The following PTPN4 variants were observed in gnomAD, a reference collection of about 807,000 sequenced individuals.
PTPN4 encodes protein tyrosine phosphatase non-receptor type 4.
PTPN4 carries 49 observed loss-of-function variants against 135.5 expected under a neutral mutation model. The observed-to-expected ratio is 0.36, with a 90% CI of 0.29 to 0.46. The LOEUF is 0.46. Ranked by LOEUF, PTPN4 falls within the 20% of genes least tolerant of loss-of-function variation. The probability of loss-of-function intolerance (pLI) is 1.00; values close to 1 mark genes in which losing one functional copy is unlikely to be tolerated. For missense variants in PTPN4, 860 were observed against 1,101.0 expected, an observed-to-expected ratio of 0.78 and a Z score of 3.10; for synonymous variants, 333 against 369.9, an observed-to-expected ratio of 0.90 and a Z score of 1.14.
At chr2:119,936,619 G>C (rs1490830006) in intron 15 of PTPN4, among the ~76,000 whole-genome samples, 2 of 152,166 alleles carry the variant, frequency 1.3e-5, no homozygotes, top group African/African-American at 4.8e-5. Flanking sequence ...ATGTGTAACT[G>C]TGAGTCAATT....
chr2:119,916,905 G>A (rs1297023345), intron 11 of PTPN4, among the ~76,000 whole-genome samples: 1 of 152,052 alleles, frequency 6.6e-6, no homozygotes, highest in Non-Finnish European at 1.5e-5. Context: ...AATTCATTCT[G>A]CTGCTAGTGG....
At chr2:119,899,182 C>T (rs193209064) in intron 9 of PTPN4, among the ~76,000 whole-genome samples, 1 of 152,290 alleles carries the variant, frequency 6.6e-6, no homozygotes, top group Admixed American at 6.5e-5. Context: ...AATTTTTGGA[C>T]CTACTGTCCA....
chr2:119,868,989 T>C (rs1185017410), intron 3 of PTPN4, among the ~76,000 whole-genome samples: 1 of 152,192 alleles, frequency 6.6e-6, no homozygotes, highest in East Asian at 1.9e-4. Flanking sequence ...AATCCCACTT[T>C]TAGCTATTTA....
intron 2 of PTPN4, among the ~76,000 whole-genome samples, chr2:119,844,192 G>A (rs926012854): frequency 3.2e-5 from 4 of 123,478 alleles, no homozygotes; most frequent in East Asian, 2.6e-4. Flanking sequence ...GCGGCTGGCC[G>A]GGCAGAGGGG....
chr2:119,881,007 GT>G (rs1057448711), intron 5 of PTPN4, among the ~76,000 whole-genome samples: 6 of 151,978 alleles, frequency 3.9e-5, no homozygotes, highest in Non-Finnish European at 1.5e-5. Context: ...AGATTTCCTG[GT>G]TAAACATTTA....
chr2:119,913,084 A>T (rs998461325), intron 10 of PTPN4, among the ~76,000 whole-genome samples: 1 of 151,976 alleles, frequency 6.6e-6, no homozygotes, highest in Non-Finnish European at 1.5e-5. Context: ...TTGCTGAATA[A>T]TTTTCCATTT....
rs1558742962 is a variant in PTPN4 at position 119,845,241 on chromosome 2, A to AGGGG, written c.139-17294_139-17293insGGGG. On this transcript the variant is annotated intron_variant, in intron 2 of 26. Coordinates refer to ENST00000263708, the MANE Select transcript of PTPN4 (RefSeq NM_002830.4). ...TGAGAGGGAGACCGTGGGGAGAGGG[A>AGGGG]GAGGGGGAGGGGGAGGGGGAGGGGG... Among the ~76,000 whole-genome samples the AGGGG allele has an allele frequency of 1.8e-3, 51 of 28,352 alleles. 4 individuals are homozygous for AGGGG. The Admixed American group carries it at 0.019, about 11-fold the overall frequency. The allele number at this position is 28,352 out of a possible 152,430, so 18.6% of individuals were successfully genotyped here.
chr2:119,957,680 A>T lies in PTPN4; in HGVS notation c.2133+603A>T, dbSNP rs372559922. On this transcript the variant is annotated intron_variant, in intron 22 of 26. Coordinates refer to ENST00000263708, the MANE Select transcript of PTPN4 (RefSeq NM_002830.4). Reference sequence around the variant, plus strand: ...TTAACTCTGTAATTAGAAAATTTCAAATGTACAAAATTAAAGCAAACCGTA... The same window carrying T: ...TTAACTCTGTAATTAGAAAATTTCATATGTACAAAATTAAAGCAAACCGTA... 9.2e-5 allele frequency among the ~76,000 whole-genome samples: 14 copies of T among 152,294 alleles called. No homozygotes were observed. The East Asian group carries it at 2.1e-3, about 23-fold the overall frequency.
At chr2:119,862,751 T>A (rs899277164) in intron 3 of PTPN4, 108 bp downstream of exon 3, 27 of 796,694 alleles carry the variant, frequency 3.4e-5, no homozygotes, top group Non-Finnish European at 4.8e-5. Context: ...GTTTTTTTTT[T>A]ACTTGACTTA....
intron 2 of PTPN4, among the ~76,000 whole-genome samples, chr2:119,854,408 T>C (rs1677641486): frequency 6.6e-6 from 1 of 152,226 alleles, no homozygotes; most frequent in Non-Finnish European, 1.5e-5. Context: ...CTCCTTACCC[T>C]ATCTGCGTAA....
chr2:119,878,089 C>T (rs150964923), intron 5 of PTPN4, among the ~76,000 whole-genome samples: 131 of 152,204 alleles, frequency 8.6e-4, no homozygotes, highest in African/African-American at 2.9e-3. Flanking sequence ...CATGTTGAGG[C>T]CTTTACATGC....
chr2:119,965,639 A>C lies in PTPN4; in HGVS notation c.2552A>C (p.His851Pro), dbSNP rs1679435269. 6.2e-7 allele frequency: 1 copy of C among 1,612,692 alleles called. No individual in the cohort carries two copies. Among genetic ancestry groups the C allele is most frequent in the Non-Finnish European group, 8.5e-7 (1 of 1,179,492 alleles). Residue 851 changes from histidine (H) to proline (P), a missense_variant, in exon 25 of 27, where the codon CAT becomes CCT. This residue lies in a region of PTPN4 where 176 missense variants were observed against 294.1 expected (regional missense o/e 0.60). Transcript: ENST00000263708. ...RAGKEEPVVV[H>P]CSAGIGRTGV... Reference sequence around the variant, plus strand: ...GGCAAGGAAGAACCCGTTGTTGTCCATTGCAGGTACTCTGTTTTCCGTCTT... The same window carrying C: ...GGCAAGGAAGAACCCGTTGTTGTCCCTTGCAGGTACTCTGTTTTCCGTCTT...
intron 3 of PTPN4, among the ~76,000 whole-genome samples, chr2:119,869,153 A>G (rs1451086334): frequency 6.6e-6 from 1 of 152,250 alleles, no homozygotes; most frequent in African/African-American, 2.4e-5. Context: ...GTAGAACACT[A>G]TATGGTTCCA....
At chr2:119,955,627 G>A (rs1043932241) in intron 20 of PTPN4, among the ~76,000 whole-genome samples, 8 of 152,034 alleles carry the variant, frequency 5.3e-5, no homozygotes, top group Non-Finnish European at 1.2e-4. Context: ...ATGAAGATAG[G>A]CTATTATATA....
intron 2 of PTPN4, among the ~76,000 whole-genome samples, chr2:119,855,218 A>G (rs559245141): frequency 6.6e-6 from 1 of 152,338 alleles, no homozygotes; most frequent in South Asian, 2.1e-4. Context: ...ACAAGGGCAT[A>G]GAAATGATAG....
chr2:119,968,147 C>A (rs996494299), intron 26 of PTPN4, among the ~76,000 whole-genome samples, 175 bp downstream of exon 26: 20 of 152,216 alleles, frequency 1.3e-4, no homozygotes, highest in Non-Finnish European at 1.9e-4. Flanking sequence ...ATCTGGCCTG[C>A]CACTTGTTTT....
At chr2:119,943,655 G>C (rs1446897533) in intron 15 of PTPN4, among the ~76,000 whole-genome samples, 3 of 119,198 alleles carry the variant, frequency 2.5e-5, no homozygotes, top group Middle Eastern at 0.01. Context: ...GCGCGATCTT[G>C]GCTCACTGCA....
intron 1 of PTPN4, chr2:119,771,621 GTACTGTAAGCTCTGGA>G (rs1416427927): frequency 2.0e-5 from 3 of 152,044 alleles, no homozygotes; most frequent in African/African-American, 7.2e-5. Context: ...TTATTGTCTG[GTACTGTAAGCTCTGGA>G]TACTATTTTC....
chr2:119,955,951 TAAATAAATAAATA>T (rs1338849892), intron 20 of PTPN4, among the ~76,000 whole-genome samples: 2 of 26,958 alleles, frequency 7.4e-5, no homozygotes, highest in East Asian at 9.3e-3. Context: ...AAATAATAAA[TAAATAAATAAATA>T]AATAAATAAA....
Sources: gnomAD v4.1 joint callset for allele counts (sites outside exome capture counted in the v4.1 genomes callset) on GRCh38, gnomAD v4.1.1 for gene constraint, gnomAD v4.1.1 regional missense constraint, MANE v1.5 for transcripts, NCBI Gene and HGNC (gene_info 2026-07-23, HGNC 2026-07-21) for gene names.